MTA3: variants seen among roughly 807,000 people sequenced by gnomAD.
MTA3 encodes the protein metastasis-associated protein MTA3.
A neutral mutation model predicts 83.5 loss-of-function variants in MTA3; 34 were observed. The observed-to-expected ratio is 0.41, with a 90% confidence interval of 0.31 to 0.54. MTA3 has a LOEUF of 0.54. Ranked by LOEUF, MTA3 falls within the 20% of genes least tolerant of loss-of-function variation. The probability of loss-of-function intolerance (pLI) is 0.33; values close to 1 mark genes in which losing one functional copy is unlikely to be tolerated. For synonymous variants in MTA3, 303 were observed against 252.7 expected, an observed-to-expected ratio of 1.20 and a Z score of -1.89; for missense variants, 761 against 726.4, an observed-to-expected ratio of 1.05 and a Z score of -0.55.
chr2:42,522,679 C>T (rs1675480612), intron 2 of MTA3, among the ~76,000 whole-genome samples: 1 of 151,728 alleles, frequency 6.6e-6, no homozygotes, highest in African/African-American at 2.4e-5. Context: ...TACCTGTAGT[C>T]CCAGCTATTC....
At chr2:42,699,809 T>G (rs1693704690) in intron 11 of MTA3, among the ~76,000 whole-genome samples, 1 of 152,152 alleles carries the variant, frequency 6.6e-6, no homozygotes, top group Non-Finnish European at 1.5e-5. Context: ...GGTCTTAAAC[T>G]CAGTGTGGGA....
intron 15 of MTA3, 31 bp from the exon 16 acceptor site, chr2:42,722,858 C>T: frequency 1.3e-6 from 2 of 1,549,482 alleles, no homozygotes; most frequent in South Asian, 2.4e-5. Context: ...ATATCATGTT[C>T]TGAATTGAGA....
At chr2:42,621,829 G>C (rs1248044905) in intron 4 of MTA3, among the ~76,000 whole-genome samples, 1 of 151,892 alleles carries the variant, frequency 6.6e-6, no homozygotes, top group East Asian at 1.9e-4. Context: ...TCGTGGCCGG[G>C]CAGAGGCGCT....
chr2:42,667,036 C>T (rs541065795), intron 8 of MTA3, among the ~76,000 whole-genome samples: 44 of 152,084 alleles, frequency 2.9e-4, no homozygotes, highest in Admixed American at 5.9e-4. Context: ...ACACTATGAA[C>T]TGTAGGAAGT....
At chr2:42,707,533 C>A (rs1257924825) in intron 12 of MTA3, among the ~76,000 whole-genome samples, 1 of 152,198 alleles carries the variant, frequency 6.6e-6, no homozygotes, top group Non-Finnish European at 1.5e-5. Flanking sequence ...AGGCGTGAGC[C>A]ACCATGTCCG....
At chr2:42,613,522 T>A (rs1177829265) in intron 4 of MTA3, among the ~76,000 whole-genome samples, 2 of 152,222 alleles carry the variant, frequency 1.3e-5, no homozygotes, top group Admixed American at 1.3e-4. Context: ...TTGCTAATGT[T>A]GAAGTCATGC....
intron 2 of MTA3, among the ~76,000 whole-genome samples, chr2:42,519,302 G>T (rs558515294): frequency 6.6e-6 from 1 of 151,970 alleles, no homozygotes; most frequent in African/African-American, 2.4e-5. Context: ...AACTGTCAAG[G>T]TTATTAAAAA....
intron 8 of MTA3, among the ~76,000 whole-genome samples, chr2:42,675,270 G>A (rs1467271021): frequency 6.6e-6 from 1 of 151,792 alleles, no homozygotes; most frequent in Non-Finnish European, 1.5e-5. Flanking sequence ...TGAGCAGCTG[G>A]GACTACAGGC....
chr2:42,720,840 C>G (rs577272595), intron 15 of MTA3, among the ~76,000 whole-genome samples: 1 of 150,292 alleles, frequency 6.7e-6, no homozygotes, highest in African/African-American at 2.4e-5. Flanking sequence ...CCCAACTACT[C>G]AGGAGACTGA....
At chr2:42,582,081 G>A (rs549194504) in intron 3 of MTA3, among the ~76,000 whole-genome samples, 4 of 151,676 alleles carry the variant, frequency 2.6e-5, no homozygotes, top group Non-Finnish European at 4.4e-5. Context: ...TTTTTGAGAC[G>A]GAGTCTTGCT....
At chr2:42,523,094 G>A (rs1230255226) in intron 2 of MTA3, among the ~76,000 whole-genome samples, 1 of 152,072 alleles carries the variant, frequency 6.6e-6, no homozygotes, top group Admixed American at 6.6e-5. Flanking sequence ...ACAGGCGTGG[G>A]CCATCACACC....
chr2:42,526,151 ACCCAGATAAAGC>A (rs1675699875), intron 2 of MTA3, among the ~76,000 whole-genome samples: 1 of 152,040 alleles, frequency 6.6e-6, no homozygotes, highest in South Asian at 2.1e-4. Context: ...GAGTCCCATC[ACCCAGATAAAGC>A]CCCAGAGAAA....
At chr2:42,537,120 A>G (rs2103737087) in intron 2 of MTA3, among the ~76,000 whole-genome samples, 1 of 152,176 alleles carries the variant, frequency 6.6e-6, no homozygotes, top group South Asian at 2.1e-4. Flanking sequence ...GACCTCCTCC[A>G]CATTCTACAC....
At chr2:42,535,831 G>A (rs1676204149) in intron 2 of MTA3, among the ~76,000 whole-genome samples, 1 of 147,410 alleles carries the variant, frequency 6.8e-6, no homozygotes, top group African/African-American at 2.5e-5. Context: ...TAAAAATGGA[G>A]CCACTGGCTG....
chr2:42,537,227 G>C (rs557118615), intron 2 of MTA3, among the ~76,000 whole-genome samples: 27 of 152,236 alleles, frequency 1.8e-4, no homozygotes, highest in Middle Eastern at 3.4e-3. Context: ...AAAACAACCA[G>C]TCAAGTCCAA....
At chr2:42,691,130 G>T (rs1477252958) in intron 9 of MTA3, among the ~76,000 whole-genome samples, 1 of 151,874 alleles carries the variant, frequency 6.6e-6, no homozygotes, top group Non-Finnish European at 1.5e-5. Flanking sequence ...GCCCGCCTCG[G>T]CCTCCCAAAG....
chr2:42,640,063 C>T (rs940369037), intron 4 of MTA3, 110 bp from the exon 5 acceptor site: 2 of 714,934 alleles, frequency 2.8e-6, no homozygotes, highest in African/African-American at 1.8e-5. Context: ...ATATTCCTAA[C>T]TGCCATGTAG....
rs1683948310 is a variant in MTA3, at chr2:42,609,708, A to G, written c.317+124A>G. Reference sequence around the variant, plus strand: ...TAAACTACTTTGCTAAAGGCTTCATAATGGAATTTTAGGTTGGAAATTTAT... The same window carrying G: ...TAAACTACTTTGCTAAAGGCTTCATGATGGAATTTTAGGTTGGAAATTTAT... On this transcript the variant is annotated intron_variant, in intron 4 of 16. Transcript: ENST00000405094. 5 of 1,126,182 alleles carry G rather than the reference A, an allele frequency of 4.4e-6. No individual in the cohort carries two copies. The South Asian group carries it at 6.3e-5, about 14-fold the overall frequency. 69.8% of individuals were successfully genotyped at this position (1,126,182 alleles called of 1,614,324 possible).
intron 3 of MTA3, among the ~76,000 whole-genome samples, chr2:42,586,640 C>T (rs572285298): frequency 6.6e-6 from 1 of 150,706 alleles, no homozygotes; most frequent in Admixed American, 6.6e-5. Flanking sequence ...ACTGTGGCTC[C>T]CAGCGCTTTG....
Sources: gnomAD v4.1 joint callset for allele counts (sites outside exome capture counted in the v4.1 genomes callset) on GRCh38, gnomAD v4.1.1 for gene constraint, MANE v1.5 for transcripts, NCBI Gene and HGNC (gene_info 2026-07-23, HGNC 2026-07-21) for gene names.